Variants in SPTA1 observed in about 807,000 individuals in gnomAD.
The protein encoded by SPTA1 is spectrin alpha chain, erythrocytic 1.
A neutral mutation model predicts 324.7 loss-of-function variants in SPTA1; 177 were observed. The ratio of observed to expected loss-of-function variants is 0.55; its 90% confidence interval spans 0.48 to 0.62. The LOEUF is 0.62. Among genes scored for constraint, SPTA1 ranks in the 20% least tolerant of loss-of-function variants. The pLI is 0.00. For synonymous variants in SPTA1, 1,195 were observed against 1,041.3 expected (o/e 1.15, Z -2.84); for missense variants, 3,162 against 2,883.6 (o/e 1.10, Z -2.21).
rs1009865029 is a variant in SPTA1, at chr1:158,611,628, C to A, written c.7135-239G>T. The A allele has an allele frequency of 9.2e-6, 4 of 433,240 alleles. No individual in the cohort carries two copies. The East Asian group carries it at 1.8e-4, about 20-fold the overall frequency. 26.8% of individuals were successfully genotyped at this position (433,240 alleles called of 1,614,324 possible). On this transcript the variant is annotated intron_variant, in intron 51 of 51. Transcript: ENST00000643759. ...TACTCACTTTGATTATTCTGTAAAT[C>A]TCATTCCCTAAAGTTGTTTTATTAA...
At chr1:158,613,997 A>C (rs1571368433) in intron 49 of SPTA1, 130 bp from the exon 50 acceptor site, 1 of 1,058,964 alleles carries the variant, frequency 9.4e-7, no homozygotes, top group East Asian at 2.6e-5. Flanking sequence ...AGAGGACTGA[A>C]TACAAAGCCT....
rs1653214888 is a variant in SPTA1 at position 158,661,527 on chromosome 1, G to A, written c.2465-118C>T. On this transcript the variant is annotated intron_variant, in intron 17 of 51. Coordinates refer to ENST00000643759, the MANE Select transcript of SPTA1 (RefSeq NM_003126.4). ...TTTCCTTTGAAGTTCTAACCATTGA[G>A]TAAGATTCTTTAAATTTATATCATC... is the stretch of plus-strand genomic sequence containing the variant. The A allele has an allele frequency of 9.8e-6, 13 of 1,328,660 alleles. 1 individual carries two copies. In the South Asian group the frequency reaches 1.6e-4, roughly 17 times the overall value. 82.3% of individuals were successfully genotyped at this position (1,328,660 alleles called of 1,614,324 possible).
chr1:158,634,974 G>C (rs981279939), intron 38 of SPTA1, among the ~76,000 whole-genome samples: 15 of 152,196 alleles, frequency 9.9e-5, no homozygotes, highest in African/African-American at 3.6e-4. Context: ...TGACTTCAGT[G>C]TTGGAGAATA....
chr1:158,627,657 C>T lies in SPTA1; in HGVS notation c.5632G>A (p.Val1878Met), dbSNP rs756849033. ...AGGATGTCTTCTCCTTGTGCACACA[C>T]ATTTTGTACTCGGGTCTCATGGACA... ...FAVHETRVQN[V>M]CAQGEDILNK... Residue 1878 changes from valine to methionine, a missense_variant, in exon 40 of 52, where the codon GTG (valine) becomes ATG (methionine). Val to Met is a conservative substitution (Grantham distance 21). Transcript: ENST00000643759. 3 of 1,613,578 alleles carry T rather than the reference C, an allele frequency of 1.9e-6. No homozygotes were observed. The South Asian group carries it at 3.3e-5, about 18-fold the overall frequency.
intron 43 of SPTA1, among the ~76,000 whole-genome samples, chr1:158,621,138 A>G (rs1037282403): frequency 1.3e-5 from 2 of 152,214 alleles, no homozygotes; most frequent in Admixed American, 6.5e-5. Context: ...GCATTATCCA[A>G]GTGCTCTGAA....
chr1:158,674,227 A>T (rs1654240965), intron 10 of SPTA1, 102 bp downstream of exon 10: 29 of 1,178,670 alleles, frequency 2.5e-5, no homozygotes, highest in Non-Finnish European at 3.5e-5. Flanking sequence ...CGTTTAAATG[A>T]CTTCTATTCT....
chr1:158,615,834 C>T (rs1387822852), intron 47 of SPTA1, among the ~76,000 whole-genome samples: 1 of 152,206 alleles, frequency 6.6e-6, no homozygotes, highest in Non-Finnish European at 1.5e-5. Context: ...ATCTGCAACA[C>T]TGATTGTGGC....
intron 20 of SPTA1, 62 bp from the exon 21 acceptor site, chr1:158,654,810 C>T: frequency 6.2e-7 from 1 of 1,604,128 alleles, no homozygotes; most frequent in Non-Finnish European, 8.5e-7. Context: ...GTACAGCTTA[C>T]CAGGGGTGAG....
At chr1:158,616,708 C>T (rs1649576403) in intron 47 of SPTA1, among the ~76,000 whole-genome samples, 1 of 152,164 alleles carries the variant, frequency 6.6e-6, no homozygotes, top group South Asian at 2.1e-4. Flanking sequence ...CCTGTTATCT[C>T]CTGTCATAAA....
chr1:158,615,152 G>GTTAA, intron 48 of SPTA1, 64 bp downstream of exon 48: 15 of 1,594,326 alleles, frequency 9.4e-6, no homozygotes, highest in Non-Finnish European at 1.3e-5. Context: ...CTCGCCCTTA[G>GTTAA]TTAAGGTCCT....
chr1:158,676,961 A>G (rs1213641553), intron 7 of SPTA1, among the ~76,000 whole-genome samples: 1 of 152,152 alleles, frequency 6.6e-6, no homozygotes, highest in East Asian at 1.9e-4. Context: ...AACAACAACA[A>G]CAAAAAGGAA....
At chr1:158,657,765 C>A in intron 18 of SPTA1, 71 bp from the exon 19 acceptor site, 1 of 1,492,602 alleles carries the variant, frequency 6.7e-7, no homozygotes, top group African/African-American at 1.4e-5. Flanking sequence ...CCTTTTGGTA[C>A]CTTGGAAAAG....
chr1:158,665,034 T>C (rs1003047188), intron 16 of SPTA1, among the ~76,000 whole-genome samples: 3 of 152,180 alleles, frequency 2.0e-5, no homozygotes, highest in African/African-American at 7.2e-5. Flanking sequence ...TATCTAAAAT[T>C]TCCTTTGCAT....
Position 158,636,644 on chromosome 1 carries a change from G to A in SPTA1, c.5307C>T (p.Ile1769=). 1 of 1,613,940 alleles carries A rather than the reference G, an allele frequency of 6.2e-7. No individual in the cohort carries two copies. Among genetic ancestry groups the A allele is most frequent in the Non-Finnish European group, 8.5e-7 (1 of 1,179,946 alleles). Residue 1769 remains isoleucine, a synonymous_variant, in exon 37 of 52, where the codon ATC becomes ATT. Transcript: ENST00000643759. ...AGATCTGGTATTCTATTCCTACCTG[G>A]ATGGCAGGCTCATGGGCCACCAGCT... is the stretch of plus-strand genomic sequence containing the variant. The part of the protein sequence containing the change: ...EGELVAHEPA[I]QNVLDMAEKL...
At chr1:158,650,516 T>C (rs1181510735) in intron 24 of SPTA1, among the ~76,000 whole-genome samples, 1 of 152,210 alleles carries the variant, frequency 6.6e-6, no homozygotes, top group Non-Finnish European at 1.5e-5. Flanking sequence ...GATCCAGATC[T>C]GAATCAGGTC....
intron 3 of SPTA1, among the ~76,000 whole-genome samples, chr1:158,682,545 A>G (rs1654885891): frequency 6.6e-6 from 1 of 152,170 alleles, no homozygotes. Flanking sequence ...TCTGGCTAAA[A>G]TCTGTGTCCG....
intron 47 of SPTA1, 140 bp downstream of exon 47, chr1:158,617,397 C>A: frequency 1.4e-6 from 1 of 716,852 alleles, no homozygotes; most frequent in South Asian, 1.5e-5. Flanking sequence ...GGTTTATATT[C>A]ATGATGTGAT....
At chr1:158,648,149 C>A (rs1652139368) in intron 26 of SPTA1, among the ~76,000 whole-genome samples, 1 of 152,084 alleles carries the variant, frequency 6.6e-6, no homozygotes, top group African/African-American at 2.4e-5. Flanking sequence ...AAACATGCAC[C>A]ATACTCAGAT....
chr1:158,677,224 A>G (rs759115295), intron 7 of SPTA1, among the ~76,000 whole-genome samples: 2 of 152,184 alleles, frequency 1.3e-5, no homozygotes, highest in Non-Finnish European at 2.9e-5. Flanking sequence ...ACCTAAAGGT[A>G]GGTTTAGCAT....
Sources: gnomAD v4.1 joint callset for allele counts (sites outside exome capture counted in the v4.1 genomes callset) on GRCh38, gnomAD v4.1.1 for gene constraint, MANE v1.5 for transcripts, NCBI Gene and HGNC (gene_info 2026-07-23, HGNC 2026-07-21) for gene names.